Variants in GPR63 observed in about 807,000 individuals in gnomAD.
GPR63 encodes probable G protein-coupled receptor 63.
In GPR63, 12 loss-of-function variants were observed where a neutral mutation model predicts 23.1. That is an observed-to-expected ratio of 0.52 (90% CI 0.33 to 0.84). GPR63 has a LOEUF of 0.84. Among genes scored for constraint, GPR63 ranks in the 40% least tolerant of loss-of-function variants. The pLI is 0.02. For missense variants in GPR63, 472 were observed against 515.6 expected (o/e 0.92, Z 0.82); for synonymous variants, 172 against 191.1 (o/e 0.90, Z 0.82).
At chr6:96,800,694 C>T (rs1277559742) in intron 1 of GPR63, among the ~76,000 whole-genome samples, 11 of 152,092 alleles carry the variant, frequency 7.2e-5, no homozygotes, top group Non-Finnish European at 4.4e-5. Context: ...CTCCCAAGTC[C>T]ACTGACTTTC....
At chr6:96,804,163 A>C (rs912833950) in intron 1 of GPR63, among the ~76,000 whole-genome samples, 2 of 152,154 alleles carry the variant, frequency 1.3e-5, no homozygotes, top group Non-Finnish European at 2.9e-5. Flanking sequence ...ATTGGGCTTC[A>C]GTGGCTAGAA....
chr6:96,829,305 C>G (rs1217938041), intron 1 of GPR63, among the ~76,000 whole-genome samples: 1 of 152,134 alleles, frequency 6.6e-6, no homozygotes, highest in Non-Finnish European at 1.5e-5. Flanking sequence ...CTGACCATAT[C>G]ACAAATAGTT....
intron 1 of GPR63, among the ~76,000 whole-genome samples, chr6:96,830,103 A>G (rs988148709): frequency 1.3e-5 from 2 of 152,178 alleles, no homozygotes; most frequent in Admixed American, 1.3e-4. Flanking sequence ...GCCAAAAATA[A>G]CCACACAAAG....
chr6:96,829,185 A>G (rs977561756), intron 1 of GPR63, among the ~76,000 whole-genome samples: 3 of 152,194 alleles, frequency 2.0e-5, no homozygotes, highest in Admixed American at 2.0e-4. Context: ...GAGAATACAC[A>G]TCGTTTTAAA....
intron 1 of GPR63, among the ~76,000 whole-genome samples, 181 bp from the exon 2 acceptor site, chr6:96,800,062 C>T (rs1474023039): frequency 6.6e-6 from 1 of 152,100 alleles, no homozygotes; most frequent in Non-Finnish European, 1.5e-5. Flanking sequence ...CTTTAGTCAA[C>T]CATGGTGGAA....
At position 96,796,103 on chromosome 6, in the gene GPR63, T is replaced by C. The variant is rs1773572997; in HGVS notation, c.*2369A>G. The C allele has an allele frequency of 6.6e-6, 1 of 152,204 alleles. No homozygotes were observed. The highest frequency in any genetic ancestry group is 2.1e-4 in the South Asian group (1 of 4,822). 9.4% of individuals were successfully genotyped at this position (152,204 alleles called of 1,614,324 possible). ...CCTTAAGAGCAGAGTTTCCCAGATA[T>C]TTCATGATGTCTTCAACCTTTCAAT... is the stretch of plus-strand genomic sequence containing the variant. On this transcript the variant is annotated 3_prime_UTR_variant, in exon 2 of 2. Coordinates refer to ENST00000229955, the MANE Select transcript of GPR63 (RefSeq NM_030784.4).
intron 1 of GPR63, among the ~76,000 whole-genome samples, chr6:96,805,312 A>C (rs1773867594): frequency 6.6e-6 from 1 of 152,098 alleles, no homozygotes; most frequent in South Asian, 2.1e-4. Context: ...ATACCCTTTT[A>C]AAAAACCAGA....
At position 96,799,693 on chromosome 6, in the gene GPR63, C is replaced by T. The variant is rs774069933; in HGVS notation, c.39G>A (p.Gly13=). Residue 13 remains glycine, a synonymous_variant, in exon 2 of 2, where the codon GGG becomes GGA. Transcript: ENST00000229955. Reference sequence around the variant, plus strand: ...ACACGACAAATGTTGTGTTGGATGTCCCGGTATGGAACGCAGTCAACACTG... The same window carrying T: ...ACACGACAAATGTTGTGTTGGATGTTCCGGTATGGAACGCAGTCAACACTG... The part of the protein sequence containing the change: ...FSAVLTAFHT[G]TSNTTFVVYE... 6.2e-7 allele frequency: 1 copy of T among 1,614,072 alleles called. No homozygotes were observed. The highest frequency in any genetic ancestry group is 1.1e-5 in the South Asian group (1 of 91,076).
chr6:96,833,820 G>GT (rs1774652187), intron 1 of GPR63, among the ~76,000 whole-genome samples: 1 of 130,936 alleles, frequency 7.6e-6, no homozygotes, highest in African/African-American at 3.2e-5. Context: ...TCTGGCTGGG[G>GT]GTTTTTCTAA....
At chr6:96,824,650 GA>G (rs5878450) in intron 1 of GPR63, among the ~76,000 whole-genome samples, 43,904 of 141,720 alleles carry the variant, frequency 0.31, 6,442 homozygotes, top group East Asian at 0.37. Context: ...TTAAAAAAAT[GA>G]AAAAAAAAAA....
At chr6:96,823,191 C>G (rs1383942412) in intron 1 of GPR63, among the ~76,000 whole-genome samples, 1 of 152,128 alleles carries the variant, frequency 6.6e-6, no homozygotes, top group African/African-American at 2.4e-5. Context: ...TAGAGTACTA[C>G]TTATTAAGAT....
At chr6:96,832,432 C>CTTT (rs35248428) in intron 1 of GPR63, among the ~76,000 whole-genome samples, 38 of 144,708 alleles carry the variant, frequency 2.6e-4, no homozygotes, top group Middle Eastern at 3.6e-3. Flanking sequence ...ACCTGACTAA[C>CTTT]TTTTTTTTTT....
At chr6:96,819,592 G>A (rs12191070) in intron 1 of GPR63, among the ~76,000 whole-genome samples, 8,340 of 151,908 alleles carry the variant, frequency 0.055, 323 homozygotes, top group Middle Eastern at 0.15. Flanking sequence ...CTAAATGGGG[G>A]TTGATAGGAG....
intron 1 of GPR63, among the ~76,000 whole-genome samples, chr6:96,801,765 T>C (rs993028644): frequency 5.3e-5 from 8 of 152,226 alleles, no homozygotes; most frequent in African/African-American, 1.9e-4. Context: ...TTACTAGATT[T>C]TATCTATCCT....
Position 96,794,609 on chromosome 6 carries a change from C to T in GPR63, c.*3863G>A, listed in dbSNP as rs980355845. 2.6e-5 allele frequency: 4 copies of T among 152,096 alleles called. No homozygotes were observed. Among genetic ancestry groups the T allele is most frequent in the African/African-American group, 9.7e-5 (4 of 41,422 alleles). 9.4% of individuals were successfully genotyped at this position (152,096 alleles called of 1,614,324 possible). The stretch of plus-strand genomic sequence containing the variant: ...TATCTTTGTGGGCAACAGAAATACA[C>T]ATATTAAAAAGGTTATTTTTATTTT... On this transcript the variant is annotated 3_prime_UTR_variant, in exon 2 of 2. Transcript: ENST00000229955.
At position 96,823,059 on chromosome 6, in the gene GPR63, T is replaced by A. The variant is rs544934920; in HGVS notation, c.-151+14209A>T. Among the ~76,000 whole-genome samples the A allele has an allele frequency of 1.1e-4, 16 of 152,338 alleles. No individual in the cohort carries two copies. The South Asian group carries it at 3.1e-3, about 30-fold the overall frequency. Reference sequence around the variant, plus strand: ...GTGTTTGCAGTGATGCTGGCATAAATGAACCTTCTGTGCTGCCAGTTGTAT... The same window carrying A: ...GTGTTTGCAGTGATGCTGGCATAAAAGAACCTTCTGTGCTGCCAGTTGTAT... On this transcript the variant is annotated intron_variant, in intron 1 of 1. Coordinates refer to ENST00000229955, the MANE Select transcript of GPR63 (RefSeq NM_030784.4).
chr6:96,835,323 A>G (rs1774697497), intron 1 of GPR63, among the ~76,000 whole-genome samples: 1 of 152,146 alleles, frequency 6.6e-6, no homozygotes, highest in Non-Finnish European at 1.5e-5. Flanking sequence ...TATATACTCA[A>G]TAGCATATAC....
chr6:96,798,254 T>A lies in GPR63; in HGVS notation c.*218A>T. On this transcript the variant is annotated 3_prime_UTR_variant, in exon 2 of 2. Coordinates refer to ENST00000229955, the MANE Select transcript of GPR63 (RefSeq NM_030784.4). ...CAAAAAAAAGTCTCCTCACCCTAAA[T>A]TGAGGATTTCTATTGAACCCTGGAG... 1 of 503,452 alleles carries A rather than the reference T, an allele frequency of 2.0e-6. No homozygotes were observed. 31.2% of individuals were successfully genotyped at this position (503,452 alleles called of 1,614,324 possible).
chr6:96,832,388 G>A (rs1040779688), intron 1 of GPR63, among the ~76,000 whole-genome samples: 5 of 151,018 alleles, frequency 3.3e-5, no homozygotes. Context: ...CTTTAGCTTC[G>A]CAAGTAGCTG....
Sources: allele counts gnomAD v4.1 joint callset (sites outside exome capture counted in the v4.1 genomes callset), GRCh38; gene constraint gnomAD v4.1.1; transcripts MANE v1.5; gene names NCBI Gene and HGNC (gene_info 2026-07-23, HGNC 2026-07-21).